The following CHRNB3 variants were observed in gnomAD, a reference collection of about 807,000 sequenced individuals.
The protein encoded by CHRNB3 is neuronal acetylcholine receptor subunit beta-3.
In CHRNB3, 37 loss-of-function variants were observed where a neutral mutation model predicts 40.6. The observed-to-expected ratio is 0.91, with a 90% CI of 0.70 to 1.20. CHRNB3 has a LOEUF of 1.20. CHRNB3 is among the 50% of genes most tolerant of loss of function. The pLI is 0.00. For synonymous variants in CHRNB3, 207 were observed against 207.1 expected, an observed-to-expected ratio of 1.00 and a Z score of 0.00; for missense variants, 505 against 551.2, an observed-to-expected ratio of 0.92 and a Z score of 0.84.
intron 3 of CHRNB3, among the ~76,000 whole-genome samples, chr8:42,723,237 A>G (rs915929509): frequency 2.6e-5 from 4 of 152,092 alleles, no homozygotes; most frequent in African/African-American, 9.7e-5. Flanking sequence ...CTTATATTTT[A>G]TTATTACTTT....
intron 5 of CHRNB3, among the ~76,000 whole-genome samples, chr8:42,733,239 A>T (rs1816459919): frequency 6.6e-6 from 1 of 151,970 alleles, no homozygotes. Flanking sequence ...AGGCAGGAGG[A>T]TGACTTGAGG....
intron 1 of CHRNB3, chr8:42,705,896 C>A (rs1348242530): frequency 6.6e-6 from 1 of 152,178 alleles, no homozygotes; most frequent in Non-Finnish European, 1.5e-5. Context: ...CACTCAATAG[C>A]CATTAGCTCA....
intron 5 of CHRNB3, among the ~76,000 whole-genome samples, 164 bp downstream of exon 5, chr8:42,732,713 C>A (rs911846601): frequency 1.3e-5 from 2 of 152,010 alleles, no homozygotes; most frequent in African/African-American, 4.8e-5. Flanking sequence ...CATAACATAG[C>A]GACATTAGTA....
At chr8:42,729,404 T>C (rs59689170) in intron 3 of CHRNB3, among the ~76,000 whole-genome samples, 8,757 of 152,158 alleles carry the variant, frequency 0.058, 333 homozygotes, top group Middle Eastern at 0.11. Flanking sequence ...AGCGAGACTC[T>C]GTCTCAAAAA....
At chr8:42,726,640 A>G (rs1207925452) in intron 3 of CHRNB3, among the ~76,000 whole-genome samples, 1 of 152,016 alleles carries the variant, frequency 6.6e-6, no homozygotes, top group Non-Finnish European at 1.5e-5. Context: ...CTGGGATTAC[A>G]GGCACCCACC....
intron 5 of CHRNB3, among the ~76,000 whole-genome samples, chr8:42,732,789 A>G (rs1312193431): frequency 6.6e-6 from 1 of 152,156 alleles, no homozygotes; most frequent in Non-Finnish European, 1.5e-5. Flanking sequence ...TGATTAAGCA[A>G]CTGTTGATTA....
rs1330304140 is a variant in CHRNB3 at position 42,708,821 on chromosome 8, A to G, written c.157A>G (p.Thr53Ala). The G allele has an allele frequency of 5.6e-6, 9 of 1,614,012 alleles. No homozygotes were observed. The highest frequency in any genetic ancestry group is 1.7e-5 in the Admixed American group (1 of 59,992). The change falls in exon 2 of 6, where the codon ACC (threonine) becomes GCC (alanine). Residue 53 changes from threonine (T) to alanine (A), a missense_variant. By Grantham distance (58) the Thr-to-Ala change is moderately conservative. Transcript: ENST00000289957. Reference protein sequence around the residue: ...WVRPVLHSNDTIKVYFGLKIS... With the variant: ...WVRPVLHSNDAIKVYFGLKIS... The stretch of plus-strand genomic sequence containing the variant: ...CCGCCCTGTATTACATTCTAATGAC[A>G]CCATAAAAGTATATTTTGGATTGAA...
chr8:42,730,704 G>T lies in CHRNB3; in HGVS notation c.359+1G>T, dbSNP rs752690899. ...TTCCTGACATAGTTCTCTTTGAAAA[G>T]TAAGTATCACATTGTTTCTTACTTA... On this transcript the variant is annotated splice_donor_variant, in intron 4 of 5. Transcript: ENST00000289957. LOFTEE classifies it high-confidence loss of function. The T allele has an allele frequency of 3.2e-6, 5 of 1,558,126 alleles. No homozygotes were observed. In the South Asian group the frequency reaches 5.7e-5, roughly 18 times the overall value.
intron 1 of CHRNB3, among the ~76,000 whole-genome samples, chr8:42,701,808 C>T (rs912717549): frequency 3.3e-5 from 5 of 152,164 alleles, no homozygotes; most frequent in Non-Finnish European, 5.9e-5. Context: ...TAAACTCTGA[C>T]AGTCTTTTGT....
intron 1 of CHRNB3, among the ~76,000 whole-genome samples, chr8:42,708,471 A>AT (rs1586394713): frequency 4.4e-5 from 5 of 113,044 alleles, no homozygotes; most frequent in Admixed American, 4.0e-4. Flanking sequence ...GTCTCAAAAA[A>AT]AATACACACA....
chr8:42,731,308 C>A (rs1816414049), intron 4 of CHRNB3, among the ~76,000 whole-genome samples: 1 of 152,124 alleles, frequency 6.6e-6, no homozygotes, highest in African/African-American at 2.4e-5. Flanking sequence ...GTAATCCCAG[C>A]ACTTTGGGAG....
At chr8:42,699,782 G>C (rs1815747392) in intron 1 of CHRNB3, among the ~76,000 whole-genome samples, 2 of 151,808 alleles carry the variant, frequency 1.3e-5, no homozygotes, top group African/African-American at 4.8e-5. Flanking sequence ...AGAAGAAAAA[G>C]GTCTCATGCT....
chr8:42,707,254 C>T (rs566221214), intron 1 of CHRNB3, among the ~76,000 whole-genome samples: 1 of 152,330 alleles, frequency 6.6e-6, no homozygotes, highest in East Asian at 1.9e-4. Flanking sequence ...GCCTCCTGCA[C>T]ACAGGGGGAT....
chr8:42,735,884 G>C (rs1816515577), intron 5 of CHRNB3, among the ~76,000 whole-genome samples: 1 of 152,108 alleles, frequency 6.6e-6, no homozygotes, highest in African/African-American at 2.4e-5. Context: ...TTATAAACTT[G>C]TGATTCTTTT....
In CHRNB3 at chr8:42,736,747, C is replaced by A; in HGVS notation, c.*129C>A. The stretch of plus-strand genomic sequence containing the variant: ...TTGTCTTTGTGGAAATGGAACATCT[C>A]CTCATGGGAGAAACTCTGGTAAATG... On this transcript the variant is annotated 3_prime_UTR_variant, in exon 6 of 6. Transcript: ENST00000289957. 9.0e-7 allele frequency: 1 copy of A among 1,113,550 alleles called. No individual in the cohort carries two copies. Among genetic ancestry groups the A allele is most frequent in the Admixed American group, 2.1e-5 (1 of 48,454 alleles). The allele number at this position is 1,113,550 out of a possible 1,614,324, so 69.0% of individuals were successfully genotyped here. A position where few individuals can be genotyped will look rare whatever the true frequency, so the allele number is the denominator to read the frequency against.
At chr8:42,702,359 TCCTGG>T (rs1318658868) in intron 1 of CHRNB3, among the ~76,000 whole-genome samples, 1 of 152,130 alleles carries the variant, frequency 6.6e-6, no homozygotes, top group East Asian at 1.9e-4. Flanking sequence ...GGTCTCAAAC[TCCTGG>T]CCTCAAGCAA....
intron 1 of CHRNB3, among the ~76,000 whole-genome samples, chr8:42,697,870 C>T (rs7844824): frequency 0.033 from 4,947 of 151,980 alleles, 122 homozygotes; most frequent in Middle Eastern, 0.11. Context: ...TAAGAAAATA[C>T]AAAAGCAGGA....
chr8:42,732,684 C>T (rs1816452299), intron 5 of CHRNB3, 135 bp downstream of exon 5: 22 of 829,338 alleles, frequency 2.7e-5, no homozygotes, highest in Admixed American at 1.4e-4. Context: ...ATACATATAA[C>T]ATTTAAAGCA....
chr8:42,700,901 G>A (rs1328445313), intron 1 of CHRNB3, among the ~76,000 whole-genome samples: 5 of 152,100 alleles, frequency 3.3e-5, no homozygotes, highest in Non-Finnish European at 5.9e-5. Flanking sequence ...TGGGAAGAGA[G>A]CAGGGGCGTC....
Sources: gnomAD v4.1 joint callset for allele counts (sites outside exome capture counted in the v4.1 genomes callset) on GRCh38, gnomAD v4.1.1 for gene constraint, MANE v1.5 for transcripts, NCBI Gene and HGNC (gene_info 2026-07-23, HGNC 2026-07-21) for gene names.